GNG7: variants seen among roughly 807,000 people sequenced by gnomAD.
GNG7 encodes the protein guanine nucleotide-binding protein G(I)/G(S)/G(O) subunit gamma-7.
GNG7 carries 1 observed loss-of-function variant against 4.0 expected under a neutral mutation model. That is an observed-to-expected ratio of 0.25 (90% CI 0.09 to 1.18). The LOEUF (loss-of-function observed/expected upper bound fraction) is 1.18, where lower values mean the gene tolerates loss of function less well. Among genes scored for constraint, GNG7 ranks in the 50% most tolerant of loss-of-function variants. The pLI, the probability that GNG7 is intolerant of heterozygous loss-of-function variation, is 0.50. For missense variants in GNG7, 86 were observed against 91.9 expected (o/e 0.94, Z 0.26); for synonymous variants, 34 against 36.9 (o/e 0.92, Z 0.29).
At chr19:2,537,727 G>A (rs1030077515) in intron 3 of GNG7, among the ~76,000 whole-genome samples, 1 of 152,162 alleles carries the variant, frequency 6.6e-6, no homozygotes, top group Non-Finnish European at 1.5e-5. Flanking sequence ...GGGGGTTGTG[G>A]TGTTAGGCTG....
intron 1 of GNG7, among the ~76,000 whole-genome samples, chr19:2,673,000 T>C (rs930580112): frequency 6.6e-6 from 1 of 150,770 alleles, no homozygotes; most frequent in East Asian, 2.0e-4. Flanking sequence ...TTCATGCCTG[T>C]AATCCCAGCA....
intron 1 of GNG7, among the ~76,000 whole-genome samples, chr19:2,691,105 G>A (rs1913124810): frequency 6.6e-6 from 1 of 152,106 alleles, no homozygotes; most frequent in African/African-American, 2.4e-5. Context: ...CTGTGCCTGT[G>A]GGTTGCAGGG....
intron 2 of GNG7, among the ~76,000 whole-genome samples, chr19:2,576,335 C>G (rs1053854358): frequency 6.6e-6 from 1 of 152,212 alleles, no homozygotes; most frequent in Admixed American, 6.5e-5. Context: ...GGCCTGCACA[C>G]GGTGTGCTGG....
At chr19:2,635,429 G>C (rs886486486) in intron 2 of GNG7, among the ~76,000 whole-genome samples, 1 of 152,198 alleles carries the variant, frequency 6.6e-6, no homozygotes, top group African/African-American at 2.4e-5. Context: ...CAATGGAGCA[G>C]ACGGTGTAAG....
At chr19:2,548,912 G>A (rs904873469) in intron 3 of GNG7, among the ~76,000 whole-genome samples, 3 of 152,216 alleles carry the variant, frequency 2.0e-5, no homozygotes, top group South Asian at 2.1e-4. Flanking sequence ...CCAGCCAGGA[G>A]CGGCTTTCTC....
chr19:2,700,283 A>G (rs1179879124), intron 1 of GNG7, among the ~76,000 whole-genome samples: 1 of 152,074 alleles, frequency 6.6e-6, no homozygotes, highest in Non-Finnish European at 1.5e-5. Context: ...CTGGGATTAC[A>G]GGCAAACGCC....
chr19:2,617,717 TTTTTA>T lies in GNG7; in HGVS notation c.-78+28502_-78+28506del, dbSNP rs1981758425. 6.8e-6 allele frequency among the ~76,000 whole-genome samples: 1 copy of T among 147,256 alleles called. No individual in the cohort carries two copies. The highest frequency in any genetic ancestry group is 1.5e-5 in the Non-Finnish European group (1 of 67,854). ...CACCTCATCCTATTTTGTCTTTTCC[TTTTTA>T]TTTTTTTTTTTTTTGAGATAGGGTC... On this transcript the variant is annotated intron_variant, in intron 2 of 4. Coordinates refer to ENST00000382159, the MANE Select transcript of GNG7 (RefSeq NM_052847.3). The surrounding 1 kb of genome is among the most constrained non-coding windows in gnomAD (Gnocchi z 4.7).
Position 2,614,982 on chromosome 19 carries a change from C to T in GNG7, c.-78+31242G>A, listed in dbSNP as rs1020590053. ...GCAGGCAGCTGATTGTTGAAGGTCA[C>T]CCCGTAGCCATTGGCAGAGCCAGAA... On this transcript the variant is annotated intron_variant, in intron 2 of 4. Transcript: ENST00000382159. This position sits in a 1 kb window ranked among gnomAD's most constrained non-coding sequence, Gnocchi z 6.0. Among the ~76,000 whole-genome samples the T allele has an allele frequency of 5.9e-5, 9 of 152,296 alleles. No homozygotes were observed. Among genetic ancestry groups the T allele is most frequent in the African/African-American group, 2.2e-4 (9 of 41,550 alleles).
intron 1 of GNG7, among the ~76,000 whole-genome samples, chr19:2,691,989 G>C (rs540772075): frequency 2.0e-5 from 3 of 152,206 alleles, no homozygotes; most frequent in East Asian, 1.9e-4. Context: ...GAGCCCCCAG[G>C]GGGTGGGGGA....
intron 2 of GNG7, among the ~76,000 whole-genome samples, chr19:2,569,345 G>T (rs1020616043): frequency 2.6e-5 from 4 of 151,972 alleles, no homozygotes; most frequent in African/African-American, 9.7e-5. Flanking sequence ...GCGCGATCTC[G>T]GCTCACTGCA....
intron 2 of GNG7, chr19:2,643,699 A>T: frequency 2.2e-6 from 1 of 452,972 alleles, no homozygotes; most frequent in Non-Finnish European, 4.4e-6. Flanking sequence ...TTGGTGTCAC[A>T]GCTTCACTGG....
At chr19:2,599,136 C>T (rs776814924) in intron 2 of GNG7, among the ~76,000 whole-genome samples, 18 of 152,146 alleles carry the variant, frequency 1.2e-4, no homozygotes, top group Non-Finnish European at 1.5e-4. Flanking sequence ...GGGGGCGTGC[C>T]GCTGGTTGCT....
chr19:2,683,238 CAAA>C (rs113884625), intron 1 of GNG7, among the ~76,000 whole-genome samples: 2 of 144,710 alleles, frequency 1.4e-5, no homozygotes, highest in Non-Finnish European at 3.1e-5. Flanking sequence ...GACTCCGTCT[CAAA>C]AAAAAAAAAT....
At chr19:2,690,103 C>T (rs778105600) in intron 1 of GNG7, among the ~76,000 whole-genome samples, 3 of 151,900 alleles carry the variant, frequency 2.0e-5, no homozygotes, top group African/African-American at 4.8e-5. Flanking sequence ...AAATGGAGGC[C>T]GGGCACGGTG....
At chr19:2,605,630 C>T (rs933060309) in intron 2 of GNG7, among the ~76,000 whole-genome samples, 4 of 150,202 alleles carry the variant, frequency 2.7e-5, no homozygotes, top group Non-Finnish European at 5.9e-5. Context: ...TCTCCTGCCT[C>T]AGCCTCCCGA....
intron 1 of GNG7, among the ~76,000 whole-genome samples, chr19:2,661,337 AAAG>A (rs1983169516): frequency 1.4e-5 from 2 of 147,460 alleles, no homozygotes; most frequent in Non-Finnish European, 3.0e-5. Flanking sequence ...AGAAAGAAAG[AAAG>A]AAAGAAAGAA....
intron 1 of GNG7, among the ~76,000 whole-genome samples, chr19:2,681,915 T>G (rs1983746057): frequency 6.6e-6 from 1 of 152,202 alleles, no homozygotes; most frequent in Non-Finnish European, 1.5e-5. Context: ...TTTCTGTTTC[T>G]TTGTTTTTGT....
At chr19:2,664,664 G>T (rs1041150223) in intron 1 of GNG7, among the ~76,000 whole-genome samples, 3 of 152,196 alleles carry the variant, frequency 2.0e-5, no homozygotes, top group African/African-American at 7.2e-5. Flanking sequence ...CTGGGAGGAT[G>T]GCCCCGGCTG....
intron 1 of GNG7, among the ~76,000 whole-genome samples, chr19:2,694,178 G>T (rs1913192416): frequency 6.6e-6 from 1 of 151,454 alleles, no homozygotes; most frequent in Admixed American, 6.6e-5. Context: ...ATCTGGAATT[G>T]GTGACACTAT....
Sources: gnomAD v4.1 joint callset for allele counts (sites outside exome capture counted in the v4.1 genomes callset) on GRCh38, gnomAD v4.1.1 for gene constraint, Gnocchi (gnomAD v3.1) non-coding constraint, MANE v1.5 for transcripts, NCBI Gene and HGNC (gene_info 2026-07-23, HGNC 2026-07-21) for gene names.